The following SBF2 variants were observed in gnomAD, a reference collection of about 807,000 sequenced individuals.
The protein encoded by SBF2 is SET binding factor 2.
SBF2 carries 112 observed loss-of-function variants against 225.2 expected under a neutral mutation model. The ratio of observed to expected loss-of-function variants is 0.50; its 90% CI spans 0.43 to 0.58. The LOEUF is 0.58. Among genes scored for constraint, SBF2 ranks in the 20% least tolerant of loss-of-function variants. SBF2 has a pLI of 0.00. For missense variants in SBF2, 1,996 were observed against 2,206.2 expected (o/e 0.90, Z 1.91); for synonymous variants, 763 against 773.3 (o/e 0.99, Z 0.22).
chr11:10,068,366 GTC>G (rs1337676790), intron 2 of SBF2, among the ~76,000 whole-genome samples: 2 of 152,132 alleles, frequency 1.3e-5, no homozygotes, highest in Admixed American at 6.5e-5. Flanking sequence ...CTGGCTAAGG[GTC>G]CTACATACCA....
At chr11:10,228,288 C>G (rs1958668867) in intron 1 of SBF2, among the ~76,000 whole-genome samples, 1 of 152,228 alleles carries the variant, frequency 6.6e-6, no homozygotes, top group African/African-American at 2.4e-5. Flanking sequence ...TTGACTTCCT[C>G]TTTTCCTAAT....
At chr11:10,066,306 T>G (rs966430634) in intron 2 of SBF2, among the ~76,000 whole-genome samples, 1 of 151,220 alleles carries the variant, frequency 6.6e-6, no homozygotes, top group Admixed American at 6.6e-5. Context: ...AACACAGTTG[T>G]AAAAATACTA....
intron 2 of SBF2, among the ~76,000 whole-genome samples, chr11:10,045,201 T>A (rs191183108): frequency 4.0e-5 from 6 of 151,080 alleles, no homozygotes; most frequent in Non-Finnish European, 8.9e-5. Flanking sequence ...TGAGTCCTGC[T>A]CTGTCGCCCA....
At chr11:10,017,545 T>C (rs541639583) in intron 6 of SBF2, among the ~76,000 whole-genome samples, 13 of 152,338 alleles carry the variant, frequency 8.5e-5, no homozygotes, top group African/African-American at 3.1e-4. Flanking sequence ...AAACTTTATA[T>C]AAAGTTTCAA....
chr11:10,196,866 A>ATATATATTTT lies in SBF2; in HGVS notation c.56-2880_56-2879insAAAATATATA. ...TATATATATATATATATATATATAT[A>ATATATATTTT]TTTTTTTTTTCCTACAAAATGAATA... On this transcript the variant is annotated intron_variant, in intron 1 of 39. Coordinates refer to ENST00000256190, the MANE Select transcript of SBF2 (RefSeq NM_030962.4). 3.3e-4 allele frequency among the ~76,000 whole-genome samples: 33 copies of ATATATATTTT among 99,314 alleles called. 1 individual carries two copies. Among genetic ancestry groups the ATATATATTTT allele is most frequent in the African/African-American group, 1.3e-3 (33 of 24,800 alleles). The allele number at this position is 99,314 out of a possible 152,430, so 65.2% of individuals were successfully genotyped here. A position where few individuals can be genotyped will look rare whatever the true frequency, so the allele number is the denominator to read the frequency against.
rs1947297504 is a variant in SBF2 at position 9,988,787 on chromosome 11, C to T, written c.1395+710G>A. 2.6e-5 allele frequency among the ~76,000 whole-genome samples: 4 copies of T among 152,148 alleles called. No homozygotes were observed. The South Asian group carries it at 6.2e-4, about 24-fold the overall frequency. ...GGAGTGGATGTGGTAACAGGGAACACTTCTACACTGCTGTTGGGAATGTAA... is the reference window on the plus strand; with the variant it reads ...GGAGTGGATGTGGTAACAGGGAACATTTCTACACTGCTGTTGGGAATGTAA... On this transcript the variant is annotated intron_variant, in intron 13 of 39. Transcript: ENST00000256190.
At chr11:10,090,270 A>G (rs1305554067) in intron 2 of SBF2, among the ~76,000 whole-genome samples, 2 of 152,208 alleles carry the variant, frequency 1.3e-5, no homozygotes, top group Admixed American at 6.5e-5. Flanking sequence ...CTGATTGCAT[A>G]ACAATGAGAA....
In SBF2 at chr11:10,293,285, T is replaced by G. The variant is rs551982817; in HGVS notation, c.55+730A>C. On this transcript the variant is annotated intron_variant, in intron 1 of 39. Transcript: ENST00000256190. Reference sequence around the variant, plus strand: ...AAAATACAATGCATTTGCCCAATTGTTCCTTACGACGAAAATTCTGTGACA... The same window carrying G: ...AAAATACAATGCATTTGCCCAATTGGTCCTTACGACGAAAATTCTGTGACA... 5.3e-5 allele frequency among the ~76,000 whole-genome samples: 8 copies of G among 152,364 alleles called. No individual in the cohort carries two copies. In the South Asian group the frequency reaches 1.7e-3, roughly 32 times the overall value.
chr11:9,784,897 C>G (rs942858225), intron 37 of SBF2: 3 of 575,942 alleles, frequency 5.2e-6, no homozygotes, highest in Admixed American at 2.9e-5. Flanking sequence ...TAAGAGCCAT[C>G]AGGACTCAAC....
intron 2 of SBF2, among the ~76,000 whole-genome samples, chr11:10,131,458 T>C (rs1254381829): frequency 7.7e-6 from 1 of 129,938 alleles, no homozygotes; most frequent in Admixed American, 8.3e-5. Flanking sequence ...TATATTCTCT[T>C]GTTTTGCTCT....
At chr11:10,138,302 CGTT>C (rs1954479430) in intron 2 of SBF2, among the ~76,000 whole-genome samples, 1 of 152,092 alleles carries the variant, frequency 6.6e-6, no homozygotes, top group Non-Finnish European at 1.5e-5. Flanking sequence ...CTCATTAACT[CGTT>C]GATGACTGAC....
At chr11:9,994,474 CAA>C (rs1289608238) in intron 9 of SBF2, among the ~76,000 whole-genome samples, 7 of 94,362 alleles carry the variant, frequency 7.4e-5, no homozygotes, top group Admixed American at 1.1e-4. Context: ...GACTCCATCT[CAA>C]AAAAAAAAAA....
chr11:10,176,387 T>C lies in SBF2; in HGVS notation c.141+17515A>G, dbSNP rs1591140815. Among the ~76,000 whole-genome samples, 8 of 151,912 alleles carry C rather than the reference T, an allele frequency of 5.3e-5. No homozygotes were observed. In the South Asian group the frequency reaches 1.7e-3, roughly 32 times the overall value. On this transcript the variant is annotated intron_variant, in intron 2 of 39. Transcript: ENST00000256190. The stretch of plus-strand genomic sequence containing the variant: ...GAGACACAAAAAACCCTTCAAAAAA[T>C]TAATGCATCCAGGAGCTGGTTTTTT...
intron 18 of SBF2, among the ~76,000 whole-genome samples, chr11:9,858,008 T>C (rs1857442114): frequency 6.6e-6 from 1 of 152,214 alleles, no homozygotes; most frequent in African/African-American, 2.4e-5. Flanking sequence ...TTAAAGTATA[T>C]TAAAACAATC....
intron 32 of SBF2, among the ~76,000 whole-genome samples, chr11:9,802,136 C>G (rs1002585085): frequency 2.0e-5 from 3 of 152,152 alleles, no homozygotes; most frequent in Non-Finnish European, 2.9e-5. Context: ...TCATACTATT[C>G]ATGTTTTCTC....
At chr11:9,925,458 A>G (rs1863960395) in intron 16 of SBF2, among the ~76,000 whole-genome samples, 1 of 152,108 alleles carries the variant, frequency 6.6e-6, no homozygotes, top group Non-Finnish European at 1.5e-5. Flanking sequence ...TGAATTTTTA[A>G]TAGAGACAGA....
At chr11:10,185,899 G>A (rs928028997) in intron 2 of SBF2, among the ~76,000 whole-genome samples, 1 of 152,024 alleles carries the variant, frequency 6.6e-6, no homozygotes, top group Non-Finnish European at 1.5e-5. Flanking sequence ...ATACAAATCA[G>A]TTGGTTCTAG....
At chr11:10,067,103 C>A (rs1221645256) in intron 2 of SBF2, among the ~76,000 whole-genome samples, 2 of 151,986 alleles carry the variant, frequency 1.3e-5, no homozygotes, top group Non-Finnish European at 2.9e-5. Flanking sequence ...CACAGTGGGA[C>A]CCTGACTCTG....
chr11:9,884,534 T>A (rs1282953451), intron 17 of SBF2, among the ~76,000 whole-genome samples: 1 of 152,234 alleles, frequency 6.6e-6, no homozygotes, highest in Non-Finnish European at 1.5e-5. Context: ...GGAAGCTGAC[T>A]CTAACTGCAT....
Sources: gnomAD v4.1 joint callset for allele counts (sites outside exome capture counted in the v4.1 genomes callset) on GRCh38, gnomAD v4.1.1 for gene constraint, MANE v1.5 for transcripts, NCBI Gene and HGNC (gene_info 2026-07-23, HGNC 2026-07-21) for gene names.